SGSM1: variants seen among roughly 807,000 people sequenced by gnomAD.
SGSM1 encodes the protein RUN and TBC1 domain containing 2.
In SGSM1, 73 loss-of-function variants were observed where a neutral mutation model predicts 133.8. The ratio of observed to expected loss-of-function variants is 0.55; its 90% CI spans 0.45 to 0.66. SGSM1 has a LOEUF of 0.66. Ranked by LOEUF, SGSM1 falls within the 30% of genes least tolerant of loss-of-function variation. The probability of loss-of-function intolerance (pLI) is 0.00; values close to 1 mark genes in which losing one functional copy is unlikely to be tolerated. For missense variants in SGSM1, 1,213 were observed against 1,448.1 expected, an observed-to-expected ratio of 0.84 and a Z score of 2.64; for synonymous variants, 563 against 573.0, an observed-to-expected ratio of 0.98 and a Z score of 0.25.
chr22:24,903,375 A>T (rs945515904), intron 20 of SGSM1, among the ~76,000 whole-genome samples: 4 of 151,736 alleles, frequency 2.6e-5, no homozygotes, highest in Non-Finnish European at 4.4e-5. Context: ...GGCCCGGCTA[A>T]TTTTTTGTAT....
chr22:24,820,380 A>G (rs531363043), intron 2 of SGSM1, among the ~76,000 whole-genome samples: 34 of 152,264 alleles, frequency 2.2e-4, no homozygotes, highest in African/African-American at 7.9e-4. Flanking sequence ...TCACAGGACA[A>G]TGCTGGTGCC....
At chr22:24,897,822 C>T in intron 18 of SGSM1, 150 bp from the exon 19 acceptor site, 1 of 706,098 alleles carries the variant, frequency 1.4e-6, no homozygotes, top group South Asian at 1.9e-5. Context: ...CCTTGTTTTG[C>T]CTCGTTCTTT....
chr22:24,891,759 C>A (rs191677705), intron 16 of SGSM1, among the ~76,000 whole-genome samples: 1 of 152,062 alleles, frequency 6.6e-6, no homozygotes, highest in Admixed American at 6.5e-5. Flanking sequence ...GCACCTAAGA[C>A]GGGCAGGGGT....
At chr22:24,822,237 C>T (rs1258005509) in intron 2 of SGSM1, among the ~76,000 whole-genome samples, 1 of 151,808 alleles carries the variant, frequency 6.6e-6, no homozygotes, top group Non-Finnish European at 1.5e-5. Flanking sequence ...ACCACAGGTG[C>T]CCGCCACCAC....
chr22:24,911,435 G>A (rs1308557042), intron 21 of SGSM1, among the ~76,000 whole-genome samples: 1 of 151,816 alleles, frequency 6.6e-6, no homozygotes, highest in East Asian at 1.9e-4. Flanking sequence ...GGGATTACAG[G>A]CATGAACTAC....
chr22:24,813,645 A>G (rs1927885892), intron 2 of SGSM1: 1 of 148,594 alleles, frequency 6.7e-6, no homozygotes, highest in Non-Finnish European at 1.5e-5. Flanking sequence ...TAATGCAGCC[A>G]TATCCACCCG....
intron 21 of SGSM1, among the ~76,000 whole-genome samples, chr22:24,908,572 G>A (rs1933495562): frequency 6.6e-6 from 1 of 152,156 alleles, no homozygotes; most frequent in Non-Finnish European, 1.5e-5. Context: ...GGAGGCCGAG[G>A]CGGGCAGATC....
intron 2 of SGSM1, among the ~76,000 whole-genome samples, chr22:24,824,408 G>T (rs879728318): frequency 2.0e-5 from 3 of 152,220 alleles, no homozygotes; most frequent in Admixed American, 6.5e-5. Context: ...CTGTGGCACC[G>T]TCTCTCCCCT....
intron 14 of SGSM1, among the ~76,000 whole-genome samples, chr22:24,880,156 A>G (rs539775420): frequency 6.6e-6 from 1 of 151,430 alleles, no homozygotes; most frequent in African/African-American, 2.4e-5. Flanking sequence ...TTTTTTTGAG[A>G]CAGAGTCTCG....
chr22:24,858,040 G>C (rs1601929002), intron 8 of SGSM1, among the ~76,000 whole-genome samples: 1 of 152,170 alleles, frequency 6.6e-6, no homozygotes, highest in South Asian at 2.1e-4. Context: ...GCAGTGGTGT[G>C]ATCATGGCTC....
At chr22:24,840,838 T>G (rs2147826180) in intron 2 of SGSM1, among the ~76,000 whole-genome samples, 1 of 152,234 alleles carries the variant, frequency 6.6e-6, no homozygotes, top group East Asian at 1.9e-4. Context: ...TTGGCCATGT[T>G]GTGTTTTTGT....
chr22:24,818,430 C>T (rs66646910), intron 2 of SGSM1, among the ~76,000 whole-genome samples: 42,487 of 150,372 alleles, frequency 0.28, 6,603 homozygotes, highest in East Asian at 0.59. Context: ...TGCAGTGGTG[C>T]GATCTCGGCT....
At chr22:24,833,562 G>C (rs1385432655) in intron 2 of SGSM1, among the ~76,000 whole-genome samples, 3 of 151,996 alleles carry the variant, frequency 2.0e-5, no homozygotes, top group Non-Finnish European at 4.4e-5. Flanking sequence ...GGAGGCTGAG[G>C]CAGGAGAATC....
At chr22:24,891,921 G>T (rs1327263882) in intron 16 of SGSM1, among the ~76,000 whole-genome samples, 2 of 152,092 alleles carry the variant, frequency 1.3e-5, no homozygotes, top group African/African-American at 2.4e-5. Flanking sequence ...GTGTGTGTCC[G>T]AATGGGTTTA....
At chr22:24,813,727 T>C (rs2147782051) in intron 2 of SGSM1, 1 of 152,490 alleles carries the variant, frequency 6.6e-6, no homozygotes, top group African/African-American at 2.4e-5. Context: ...TGAGCATCTG[T>C]GGCAGCTTAG....
intron 5 of SGSM1, among the ~76,000 whole-genome samples, chr22:24,853,427 A>C (rs1192266276): frequency 4.6e-5 from 7 of 152,254 alleles, no homozygotes; most frequent in African/African-American, 1.4e-4. Context: ...AAACCACTAC[A>C]CAATAACTCA....
At chr22:24,864,653 T>C (rs1931349790) in intron 9 of SGSM1, among the ~76,000 whole-genome samples, 1 of 152,186 alleles carries the variant, frequency 6.6e-6, no homozygotes, top group Non-Finnish European at 1.5e-5. Flanking sequence ...AGCAGATTAT[T>C]GTTGGTTGCC....
In SGSM1 at chr22:24,919,875, C is replaced by T; in HGVS notation, c.3075C>T (p.Ala1025=). 2 of 1,614,098 alleles carry T rather than the reference C, an allele frequency of 1.2e-6. No individual in the cohort carries two copies. The highest frequency in any genetic ancestry group is 8.5e-7 in the Non-Finnish European group (1 of 1,179,916). The part of the protein sequence containing the change: ...VFLVWETIWA[A]KHVSSAHYVL... ...TGGTCTGGGAGACCATCTGGGCAGC[C>T]AAACACGTCTCCTCTGCGCACTACG... The change falls in exon 24 of 25, where the codon GCC becomes GCT. Residue 1025 remains alanine (A), a synonymous_variant. Transcript: ENST00000400358.
At position 24,847,812 on chromosome 22, in the gene SGSM1, G is replaced by A. The variant is rs748112375; in HGVS notation, c.302+16G>A. ...TCGAGAGCGCGTGAGTGCAAAGCAT[G>A]GGGCACAGGTGGGAGCAGCTCCCCC... On this transcript the variant is annotated intron_variant, in intron 4 of 24. Transcript: ENST00000400358. 1.2e-5 allele frequency: 19 copies of A among 1,611,858 alleles called. No homozygotes were observed. The South Asian group carries it at 2.1e-4, about 18-fold the overall frequency.
Sources: allele counts gnomAD v4.1 joint callset (sites outside exome capture counted in the v4.1 genomes callset), GRCh38; gene constraint gnomAD v4.1.1; transcripts MANE v1.5; gene names NCBI Gene and HGNC (gene_info 2026-07-23, HGNC 2026-07-21).